Variants in CDCA7L observed in about 807,000 individuals in gnomAD.
CDCA7L encodes cell division cycle associated 7 like.
A neutral mutation model predicts 57.4 loss-of-function variants in CDCA7L; 44 were observed. The ratio of observed to expected loss-of-function variants is 0.77; its 90% CI spans 0.60 to 0.98. The LOEUF is 0.98. Ranked by LOEUF, CDCA7L falls within the 50% of genes least tolerant of loss-of-function variation. The probability of loss-of-function intolerance (pLI) is 0.00; values close to 1 mark genes in which losing one functional copy is unlikely to be tolerated. For synonymous variants in CDCA7L, 236 were observed against 202.8 expected, an observed-to-expected ratio of 1.16 and a Z score of -1.39; for missense variants, 644 against 580.6, an observed-to-expected ratio of 1.11 and a Z score of -1.12.
rs200978833 is a variant in CDCA7L at position 21,906,275 on chromosome 7, TAGTC to T, written c.921+10_921+13del. 4 of 1,576,134 alleles carry T rather than the reference TAGTC, an allele frequency of 2.5e-6. No homozygotes were observed. The highest frequency in any genetic ancestry group is 4.5e-5 in the East Asian group (2 of 44,444). ...CTCAGACAAAAACTAATTCATGTAT[TAGTC>T]AGAAAATACCCCAATTGTCTTCCTT... On this transcript the variant is annotated intron_variant, in intron 6 of 9. Coordinates refer to ENST00000406877, the MANE Select transcript of CDCA7L (RefSeq NM_018719.5).
chr7:21,927,896 G>C (rs187116534), intron 1 of CDCA7L, among the ~76,000 whole-genome samples: 1 of 152,340 alleles, frequency 6.6e-6, no homozygotes, highest in East Asian at 1.9e-4. Context: ...AGCTTAAGCA[G>C]ACTTAAACGT....
At chr7:21,936,405 T>G (rs1786166961) in intron 1 of CDCA7L, among the ~76,000 whole-genome samples, 1 of 152,152 alleles carries the variant, frequency 6.6e-6, no homozygotes. Context: ...TTACGAATAC[T>G]GATACAAGAA....
chr7:21,919,553 T>C (rs995609345), intron 1 of CDCA7L, among the ~76,000 whole-genome samples: 1 of 152,106 alleles, frequency 6.6e-6, no homozygotes, highest in African/African-American at 2.4e-5. Flanking sequence ...GTATCACTGC[T>C]TGTAGGCTCT....
chr7:21,913,662 T>A (rs1023815623), intron 2 of CDCA7L, among the ~76,000 whole-genome samples: 10 of 152,204 alleles, frequency 6.6e-5, no homozygotes, highest in Non-Finnish European at 1.3e-4. Context: ...TTTCATCAAC[T>A]ACCTAAAGCC....
Position 21,911,771 on chromosome 7 carries a change from C to T in CDCA7L, c.166-17G>A. 6.2e-7 allele frequency: 1 copy of T among 1,608,294 alleles called. No homozygotes were observed. Among genetic ancestry groups the T allele is most frequent in the South Asian group, 1.1e-5 (1 of 89,920 alleles). ...CACATCCTGCTAAATTAAAGACACA[C>T]ATACATCAGAGACGGAAAGTAGAAT... On this transcript the variant is annotated splice_polypyrimidine_tract_variant and intron_variant, in intron 2 of 9. Coordinates refer to ENST00000406877, the MANE Select transcript of CDCA7L (RefSeq NM_018719.5).
At chr7:21,913,577 G>A (rs1785396536) in intron 2 of CDCA7L, among the ~76,000 whole-genome samples, 1 of 152,210 alleles carries the variant, frequency 6.6e-6, no homozygotes, top group Non-Finnish European at 1.5e-5. Flanking sequence ...GCCTCTCAGT[G>A]CAAGAAACAT....
intron 4 of CDCA7L, 64 bp from the exon 5 acceptor site, chr7:21,906,703 A>G: frequency 2.7e-6 from 4 of 1,489,678 alleles, no homozygotes; most frequent in Non-Finnish European, 3.7e-6. Context: ...GTCATCCAAC[A>G]CCTATCTCAA....
Position 21,901,222 on chromosome 7 carries a change from C to G in CDCA7L, c.*1100G>C, listed in dbSNP as rs1167400162. 1 of 1,611,052 alleles carries G rather than the reference C, an allele frequency of 6.2e-7. No homozygotes were observed. Among genetic ancestry groups the G allele is most frequent in the Non-Finnish European group, 8.5e-7 (1 of 1,178,526 alleles). ...CGAAGAGAAGACTGCAAAATGGGTT[C>G]TGGCTGGAGTGGCTCTGCTTCTAGA... On this transcript the variant is annotated 3_prime_UTR_variant, in exon 10 of 10. Coordinates refer to ENST00000406877, the MANE Select transcript of CDCA7L (RefSeq NM_018719.5).
intron 1 of CDCA7L, among the ~76,000 whole-genome samples, chr7:21,924,607 A>C (rs1383512142): frequency 6.6e-6 from 1 of 152,226 alleles, no homozygotes; most frequent in Non-Finnish European, 1.5e-5. Flanking sequence ...GAACTAACTC[A>C]AAATGGATCA....
chr7:21,931,717 CA>C (rs1404101161), intron 1 of CDCA7L, among the ~76,000 whole-genome samples: 2 of 152,162 alleles, frequency 1.3e-5, no homozygotes, highest in African/African-American at 4.8e-5. Context: ...AAAACCAGCG[CA>C]AGACAAGGAT....
chr7:21,936,496 G>A lies in CDCA7L; in HGVS notation c.24+9285C>T, dbSNP rs1283658715. 2.6e-5 allele frequency among the ~76,000 whole-genome samples: 4 copies of A among 152,078 alleles called. No individual in the cohort carries two copies. In the South Asian group the frequency reaches 8.3e-4, roughly 32 times the overall value. Reference sequence around the variant, plus strand: ...AGATCACCAAGTGGCATTTATTCTAGGAATGCAAAATGGTTCAAACACATA... The same window carrying A: ...AGATCACCAAGTGGCATTTATTCTAAGAATGCAAAATGGTTCAAACACATA... On this transcript the variant is annotated intron_variant, in intron 1 of 9. Transcript: ENST00000406877.
chr7:21,901,500 C>A lies in CDCA7L; in HGVS notation c.*822G>T. 1 of 363,052 alleles carries A rather than the reference C, an allele frequency of 2.8e-6. No individual in the cohort carries two copies. The allele number at this position is 363,052 out of a possible 1,614,324, so 22.5% of individuals were successfully genotyped here. On this transcript the variant is annotated 3_prime_UTR_variant, in exon 10 of 10. Transcript: ENST00000406877. ...AGGAGAATCACTTGAACCTAGGAGG[C>A]AAAGGTTGCAGTGAGCCGAGGTTGC...
Position 21,901,335 on chromosome 7 carries a change from T to G in CDCA7L, c.*987A>C. 2 of 1,450,688 alleles carry G rather than the reference T, an allele frequency of 1.4e-6. No homozygotes were observed. The highest frequency in any genetic ancestry group is 4.8e-5 in the East Asian group (2 of 41,262). The allele number at this position is 1,450,688 out of a possible 1,614,324, so 89.9% of individuals were successfully genotyped here. On this transcript the variant is annotated 3_prime_UTR_variant, in exon 10 of 10. Transcript: ENST00000406877. The stretch of plus-strand genomic sequence containing the variant: ...TGTTGCTGCACTGTTCCCATGCACA[T>G]TATTCTAACTTTTTAGTAACTCACA...
In CDCA7L at chr7:21,906,264, AATTCATGT is replaced by A. The variant is rs1785135428; in HGVS notation, c.921+17_921+24del. On this transcript the variant is annotated intron_variant, in intron 6 of 9. Transcript: ENST00000406877. The stretch of plus-strand genomic sequence containing the variant: ...AGGGATGGTAGCTCAGACAAAAACT[AATTCATGT>A]ATTAGTCAGAAAATACCCCAATTGT... 6.4e-7 allele frequency: 1 copy of A among 1,563,134 alleles called. No individual in the cohort carries two copies.
chr7:21,902,412 G>A (rs1034955323), intron 9 of CDCA7L, 60 bp from the exon 10 acceptor site: 53 of 1,490,906 alleles, frequency 3.6e-5, no homozygotes, highest in Non-Finnish European at 4.7e-5. Flanking sequence ...GGCATTCTAG[G>A]CTTGAGAGAT....
chr7:21,908,057 G>C (rs1291122421), intron 4 of CDCA7L, 73 bp downstream of exon 4: 1 of 1,461,990 alleles, frequency 6.8e-7, no homozygotes, highest in Non-Finnish European at 9.0e-7. Flanking sequence ...TAGGAGCAAA[G>C]TGGTTCTGGG....
intron 4 of CDCA7L, among the ~76,000 whole-genome samples, chr7:21,907,545 T>C (rs114470088): frequency 6.0e-4 from 92 of 152,352 alleles, no homozygotes; most frequent in Middle Eastern, 3.4e-3. Context: ...TAATTGATTA[T>C]ATACAGAAAA....
intron 3 of CDCA7L, among the ~76,000 whole-genome samples, chr7:21,909,278 G>A (rs1210125203): frequency 3.9e-5 from 6 of 152,120 alleles, no homozygotes; most frequent in Non-Finnish European, 8.8e-5. Context: ...TGGATGTGAC[G>A]GGACTCTTAG....
rs1216480920 is a variant in CDCA7L, at chr7:21,901,211, C to T, written c.*1111G>A. 1.2e-6 allele frequency: 2 copies of T among 1,613,668 alleles called. No homozygotes were observed. The highest frequency in any genetic ancestry group is 1.6e-4 in the Middle Eastern group (1 of 6,084). ...AGGCTGAAGAGCGAAGAGAAGACTGCAAAATGGGTTCTGGCTGGAGTGGCT... is the reference window on the plus strand; with the variant it reads ...AGGCTGAAGAGCGAAGAGAAGACTGTAAAATGGGTTCTGGCTGGAGTGGCT... On this transcript the variant is annotated 3_prime_UTR_variant, in exon 10 of 10. Transcript: ENST00000406877.
Sources: allele counts gnomAD v4.1 joint callset (sites outside exome capture counted in the v4.1 genomes callset), GRCh38; gene constraint gnomAD v4.1.1; transcripts MANE v1.5; gene names NCBI Gene and HGNC (gene_info 2026-07-23, HGNC 2026-07-21).